ZC4H2: variants seen among roughly 807,000 people sequenced by gnomAD.
The protein encoded by ZC4H2 is zinc finger C4H2-type containing.
For missense variants in ZC4H2, 137 were observed against 173.9 expected (o/e 0.79, Z 1.19); for synonymous variants, 84 against 66.3 (o/e 1.27, Z -1.30).
At chrX:65,034,086 CAAAA>C (rs768065058) in intron 1 of ZC4H2, among the ~76,000 whole-genome samples, 2 of 45,176 alleles carry the variant, frequency 4.4e-5, no homozygotes. Flanking sequence ...AAGACTTTGT[CAAAA>C]AAAAAAAAAA....
intron 1 of ZC4H2, among the ~76,000 whole-genome samples, chrX:64,960,725 A>C (rs1362585226): frequency 1.8e-5 from 2 of 112,259 alleles, no homozygotes; most frequent in Admixed American, 1.9e-4. Context: ...CCAGATGTAC[A>C]AATAAGCAGG....
At chrX:64,963,193 T>A (rs866927938) in intron 1 of ZC4H2, among the ~76,000 whole-genome samples, 68 of 111,656 alleles carry the variant, frequency 6.1e-4, no homozygotes, top group African/African-American at 1.9e-3. Flanking sequence ...GAAATGATAG[T>A]CCTTTCAATA....
At chrX:64,918,990 T>C (rs1929054995) in intron 4 of ZC4H2, 52 bp downstream of exon 4, 2 of 1,125,895 alleles carry the variant, frequency 1.8e-6, no homozygotes, top group Non-Finnish European at 2.3e-6. Context: ...TCCACGGCCC[T>C]TCCATGGGAG....
intron 1 of ZC4H2, among the ~76,000 whole-genome samples, chrX:65,026,678 C>T (rs1358219278): frequency 1.8e-5 from 2 of 109,919 alleles, no homozygotes; most frequent in African/African-American, 6.6e-5. Flanking sequence ...CACTGCACTC[C>T]AGCCTGGGCA....
At chrX:65,016,261 C>A (rs186091094) in intron 1 of ZC4H2, among the ~76,000 whole-genome samples, 1 of 111,093 alleles carries the variant, frequency 9.0e-6, no homozygotes, top group East Asian at 2.8e-4. Flanking sequence ...CCAGTTTTGA[C>A]CAATGATCTT....
intron 1 of ZC4H2, among the ~76,000 whole-genome samples, chrX:64,935,344 C>T (rs1929955100): frequency 8.9e-6 from 1 of 111,826 alleles, no homozygotes; most frequent in Admixed American, 9.5e-5. Context: ...TAGATAAAAC[C>T]CCTATCTCCC....
chrX:64,944,906 G>A (rs539716731), intron 1 of ZC4H2, among the ~76,000 whole-genome samples: 3 of 112,224 alleles, frequency 2.7e-5, no homozygotes, highest in Middle Eastern at 4.7e-3. Context: ...TGAAGTTCTC[G>A]TGCTGTGTTT....
At chrX:64,974,854 G>A (rs1931891174) in intron 1 of ZC4H2, among the ~76,000 whole-genome samples, 1 of 108,174 alleles carries the variant, frequency 9.2e-6, no homozygotes, top group South Asian at 4.1e-4. Flanking sequence ...CTTGGTGAGA[G>A]TGGAAGTCTA....
intron 1 of ZC4H2, among the ~76,000 whole-genome samples, chrX:65,018,688 G>A (rs570357431): frequency 1.4e-4 from 15 of 109,906 alleles, no homozygotes; most frequent in East Asian, 5.7e-4. Context: ...AGACAGAACC[G>A]TTCACTCCCC....
intron 1 of ZC4H2, among the ~76,000 whole-genome samples, chrX:64,989,333 G>C (rs1261649113): frequency 8.9e-6 from 1 of 111,807 alleles, no homozygotes; most frequent in African/African-American, 3.3e-5. Context: ...TCACGATATT[G>C]ATTCTTGCTA....
At chrX:65,033,762 T>C (rs1474602161) in intron 1 of ZC4H2, among the ~76,000 whole-genome samples, 1 of 112,175 alleles carries the variant, frequency 8.9e-6, no homozygotes, top group East Asian at 2.8e-4. Context: ...ATCCCCATTT[T>C]ACTGATAAGG....
At position 64,916,881 on chromosome X, in the gene ZC4H2, A is replaced by G. The variant is rs1432799273; in HGVS notation, c.*902T>C. 8.9e-6 allele frequency: 1 copy of G among 111,998 alleles called. No homozygotes were observed. Among genetic ancestry groups the G allele is most frequent in the African/African-American group, 3.3e-5 (1 of 30,710 alleles). The allele number at this position is 111,998 out of a possible 1,213,427, so 9.2% of individuals were successfully genotyped here. A position where few individuals can be genotyped will look rare whatever the true frequency, so the allele number is the denominator to read the frequency against. ...AGTGATTGGCATTTACTCAAATCTA[A>G]ATCTACTCCTCTCCTCCCTGCAATA... On this transcript the variant is annotated 3_prime_UTR_variant, in exon 5 of 5. Transcript: ENST00000374839.
chrX:64,987,499 T>A (rs1932212558), intron 1 of ZC4H2, among the ~76,000 whole-genome samples: 1 of 106,009 alleles, frequency 9.4e-6, no homozygotes, highest in South Asian at 4.3e-4. Flanking sequence ...GATGAAAGGA[T>A]GATCTTTTCA....
At chrX:64,937,427 C>G (rs1238971570) in intron 1 of ZC4H2, among the ~76,000 whole-genome samples, 1 of 111,343 alleles carries the variant, frequency 9.0e-6, no homozygotes, top group Admixed American at 9.6e-5. Flanking sequence ...CAGCTCTAGA[C>G]CAAGCTGACC....
At chrX:65,006,399 G>C (rs746184773) in intron 1 of ZC4H2, among the ~76,000 whole-genome samples, 4 of 111,350 alleles carry the variant, frequency 3.6e-5, no homozygotes, top group African/African-American at 1.3e-4. Context: ...ATGAGTTCAT[G>C]TCCTTTGTAG....
intron 1 of ZC4H2, among the ~76,000 whole-genome samples, chrX:64,946,449 G>A (rs911397930): frequency 2.7e-5 from 3 of 110,223 alleles, no homozygotes; most frequent in Non-Finnish European, 5.7e-5. Context: ...CAGTCCCAAC[G>A]AGAGGAACCG....
At chrX:64,933,199 T>C in intron 1 of ZC4H2, among the ~76,000 whole-genome samples, 1 of 112,225 alleles carries the variant, frequency 8.9e-6, no homozygotes, top group South Asian at 3.7e-4. Context: ...GTCTTTCATT[T>C]CCAGTAGCTC....
chrX:64,927,014 G>A (rs775179236), intron 1 of ZC4H2, among the ~76,000 whole-genome samples: 7 of 111,662 alleles, frequency 6.3e-5, no homozygotes, highest in South Asian at 3.8e-4. Flanking sequence ...GAGTATTTCC[G>A]CAGACATGTG....
At chrX:64,988,931 T>TTCCA (rs201432572) in intron 1 of ZC4H2, among the ~76,000 whole-genome samples, 1 of 111,024 alleles carries the variant, frequency 9.0e-6, no homozygotes, top group African/African-American at 3.3e-5. Context: ...AGTTTCAGCT[T>TTCCA]TATATGGCTA....
Sources: gnomAD v4.1 joint callset for allele counts (sites outside exome capture counted in the v4.1 genomes callset) on GRCh38, gnomAD v4.1.1 for gene constraint, MANE v1.5 for transcripts, NCBI Gene and HGNC (gene_info 2026-07-23, HGNC 2026-07-21) for gene names.